Variants in ACAN observed in about 807,000 individuals in gnomAD.
The protein encoded by ACAN is aggrecan core protein.
A neutral mutation model predicts 169.1 loss-of-function variants in ACAN; 47 were observed. The observed-to-expected ratio is 0.28, with a 90% CI of 0.22 to 0.35. The LOEUF (loss-of-function observed/expected upper bound fraction) is 0.35, where lower values mean the gene tolerates loss of function less well. Among genes scored for constraint, ACAN ranks in the 10% least tolerant of loss-of-function variants. The pLI is 1.00. For synonymous variants in ACAN, 1,115 were observed against 1,112.2 expected (o/e 1.00, Z -0.05); for missense variants, 2,716 against 2,759.9 (o/e 0.98, Z 0.36).
chr15:88,806,556 G>A (rs1895688190), intron 1 of ACAN, among the ~76,000 whole-genome samples: 1 of 152,084 alleles, frequency 6.6e-6, no homozygotes, highest in South Asian at 2.1e-4. Flanking sequence ...CACCATGTTG[G>A]CCAGGCTGGT....
Position 88,847,361 on chromosome 15 carries a change from C to A in ACAN, c.1548C>A (p.Ala516=). 1 of 1,591,818 alleles carries A rather than the reference C, an allele frequency of 6.3e-7. No homozygotes were observed. The highest frequency in any genetic ancestry group is 2.3e-5 in the East Asian group (1 of 43,802). The change falls in exon 8 of 19, where the codon GCC becomes GCA. Residue 516 remains alanine, a synonymous_variant. Coordinates refer to ENST00000560601, the MANE Select transcript of ACAN (RefSeq NM_001369268.1). The part of the protein sequence containing the change: ...VIASPEQLQA[A]YEAGYEQCDA... Reference sequence around the variant, plus strand: ...CCTCGCCGGAGCAGCTCCAGGCCGCCTACGAAGCAGGCTATGAGCAGTGTG... The same window carrying A: ...CCTCGCCGGAGCAGCTCCAGGCCGCATACGAAGCAGGCTATGAGCAGTGTG...
chr15:88,857,583 G>A lies in ACAN; in HGVS notation c.4998G>A (p.Leu1666=). The change falls in exon 12 of 19, where the codon TTG becomes TTA. Residue 1666 remains leucine (L), a synonymous_variant. Coordinates refer to ENST00000560601, the MANE Select transcript of ACAN (RefSeq NM_001369268.1). The stretch of plus-strand genomic sequence containing the variant: ...CTGTTTCCCTAGTGGATTCTACATT[G>A]GTGGAAGTGGTCACAGCCTCCACTG... ...FPTVSLVDST[L]VEVVTASTAS... is the part of the protein sequence containing the mutation. 2 of 1,613,958 alleles carry A rather than the reference G, an allele frequency of 1.2e-6. No individual in the cohort carries two copies. Among genetic ancestry groups the A allele is most frequent in the African/African-American group, 1.3e-5 (1 of 75,054 alleles).
rs142728070 is a variant in ACAN at position 88,849,351 on chromosome 15, G to A, written c.1733-87G>A. 1 of 1,337,168 alleles carries A rather than the reference G, an allele frequency of 7.5e-7. No individual in the cohort carries two copies. The highest frequency in any genetic ancestry group is 2.5e-5 in the East Asian group (1 of 39,552). 82.8% of individuals were successfully genotyped at this position (1,337,168 alleles called of 1,614,324 possible). A position where few individuals can be genotyped will look rare whatever the true frequency, so the allele number is the denominator to read the frequency against. On this transcript the variant is annotated intron_variant, in intron 9 of 18. Coordinates refer to ENST00000560601, the MANE Select transcript of ACAN (RefSeq NM_001369268.1). This position sits in a 1 kb window ranked among gnomAD's most constrained non-coding sequence, Gnocchi z 5.1. ...CTGGGTCTTAGCCCTGGTGAGGAGG[G>A]TTAGAGGAACTCTGTCCTGGGTGGG...
At chr15:88,806,586 G>A (rs1056084813) in intron 1 of ACAN, among the ~76,000 whole-genome samples, 4 of 152,240 alleles carry the variant, frequency 2.6e-5, no homozygotes, top group Middle Eastern at 3.4e-3. Flanking sequence ...CTGACCTCAG[G>A]TGATCGCCTG....
chr15:88,824,853 C>T (rs531451490), intron 1 of ACAN, among the ~76,000 whole-genome samples: 1 of 151,284 alleles, frequency 6.6e-6, no homozygotes, highest in East Asian at 1.9e-4. Flanking sequence ...TTCAGCACCA[C>T]TGCACTCTAG....
Position 88,859,337 on chromosome 15 carries a change from T to A in ACAN, c.6752T>A (p.Val2251Asp). ...LLYSGEETHT[V>D]ETATSPTDAS... ...TACTCAGGAGAAGAGACTCACACAGTCGAAACAGCCACCTCCCCAACAGAT... is the reference window on the plus strand; with the variant it reads ...TACTCAGGAGAAGAGACTCACACAGACGAAACAGCCACCTCCCCAACAGAT... Residue 2251 changes from valine to aspartate, a missense_variant, in exon 12 of 19, where the codon GTC (valine) becomes GAC (aspartate). Around this residue, in one of 3 missense-constraint regions of ACAN, gnomAD observed 1,389 missense variants for 1,363.7 expected, o/e 1.02. Transcript: ENST00000560601. 6.2e-7 allele frequency: 1 copy of A among 1,604,114 alleles called. No homozygotes were observed. Among genetic ancestry groups the A allele is most frequent in the Non-Finnish European group, 8.5e-7 (1 of 1,175,210 alleles).
chr15:88,858,987 T>G lies in ACAN; in HGVS notation c.6402T>G (p.Ser2134=). Residue 2134 remains serine (S), a synonymous_variant, in exon 12 of 19, where the codon TCT becomes TCG. Transcript: ENST00000560601. This position sits in a 1 kb window ranked among gnomAD's most constrained non-coding sequence, Gnocchi z 4.0. The part of the protein sequence containing the change: ...SGSPDLSETT[S]AFHEANLERS... ...CCCCTGATCTGAGTGAAACCACCTCTGCATTCCACGAAGCTAACCTTGAGA... is the reference window on the plus strand; with the variant it reads ...CCCCTGATCTGAGTGAAACCACCTCGGCATTCCACGAAGCTAACCTTGAGA... 1 of 1,613,936 alleles carries G rather than the reference T, an allele frequency of 6.2e-7. No homozygotes were observed. The highest frequency in any genetic ancestry group is 8.5e-7 in the Non-Finnish European group (1 of 1,179,878).
At position 88,872,676 on chromosome 15, in the gene ACAN, T is replaced by C. The variant is rs1327486690; in HGVS notation, c.7303-205T>C. Among the ~76,000 whole-genome samples the C allele has an allele frequency of 2.6e-5, 4 of 152,066 alleles. No individual in the cohort carries two copies. Among genetic ancestry groups the C allele is most frequent in the African/African-American group, 7.2e-5 (3 of 41,400 alleles). The stretch of plus-strand genomic sequence containing the variant: ...GACCTGAGCCAAGCTGTGTGACTGA[T>C]TCCCTAGAGGGCCACCGGGTTCCAT... On this transcript the variant is annotated intron_variant, in intron 16 of 18. Coordinates refer to ENST00000560601, the MANE Select transcript of ACAN (RefSeq NM_001369268.1). The surrounding 1 kb of genome is among the most constrained non-coding windows in gnomAD (Gnocchi z 5.4).
At position 88,866,016 on chromosome 15, in the gene ACAN, A is replaced by G. The variant is rs1215437984; in HGVS notation, c.6947-2200A>G. Among the ~76,000 whole-genome samples, 5 of 152,112 alleles carry G rather than the reference A, an allele frequency of 3.3e-5. No homozygotes were observed. The highest frequency in any genetic ancestry group is 7.4e-5 in the Non-Finnish European group (5 of 68,022). On this transcript the variant is annotated intron_variant, in intron 13 of 18. Coordinates refer to ENST00000560601, the MANE Select transcript of ACAN (RefSeq NM_001369268.1). This position sits in a 1 kb window ranked among gnomAD's most constrained non-coding sequence, Gnocchi z 5.6. The stretch of plus-strand genomic sequence containing the variant: ...TGTAAATCCAGGGCCGTGAAAAAAA[A>G]AATTCTGAGCCCCGGAATTTGTTCC...
chr15:88,824,573 A>G (rs570644117), intron 1 of ACAN, among the ~76,000 whole-genome samples: 48 of 152,218 alleles, frequency 3.2e-4, no homozygotes, highest in Non-Finnish European at 6.3e-4. Flanking sequence ...AAGGACAATA[A>G]TTTCAAATAA....
chr15:88,813,420 G>T (rs1036279088), intron 1 of ACAN, among the ~76,000 whole-genome samples: 3 of 151,630 alleles, frequency 2.0e-5, no homozygotes, highest in Non-Finnish European at 2.9e-5. Context: ...CATGGCTCAG[G>T]GACTCTGCAC....
intron 1 of ACAN, among the ~76,000 whole-genome samples, chr15:88,816,833 C>T (rs1895953730): frequency 1.3e-5 from 2 of 152,230 alleles, no homozygotes; most frequent in South Asian, 4.1e-4. Context: ...TGGATTCCTT[C>T]AGCTCAGAGT....
At chr15:88,832,966 G>C (rs1896401608) in intron 1 of ACAN, among the ~76,000 whole-genome samples, 1 of 152,208 alleles carries the variant, frequency 6.6e-6, no homozygotes, top group African/African-American at 2.4e-5. Flanking sequence ...ATCTCACTCA[G>C]TCTTTGAAAC....
intron 1 of ACAN, 75 bp from the exon 2 acceptor site, chr15:88,836,125 C>G: frequency 9.6e-7 from 1 of 1,039,164 alleles, no homozygotes; most frequent in Non-Finnish European, 1.5e-6. Flanking sequence ...CACTTTGCAT[C>G]ATATGTCACA....
At chr15:88,846,582 C>T (rs1305124548) in intron 7 of ACAN, among the ~76,000 whole-genome samples, 4 of 152,158 alleles carry the variant, frequency 2.6e-5, no homozygotes, top group Admixed American at 6.5e-5. Context: ...TGGATTCAAC[C>T]AACCGTAGAT....
In ACAN at chr15:88,858,354, T is replaced by C; in HGVS notation, c.5769T>C (p.Tyr1923=). The C allele has an allele frequency of 6.2e-7, 1 of 1,613,956 alleles. No individual in the cohort carries two copies. The highest frequency in any genetic ancestry group is 8.5e-7 in the Non-Finnish European group (1 of 1,179,898). Residue 1923 remains tyrosine, a synonymous_variant, in exon 12 of 19, where the codon TAT becomes TAC. Transcript: ENST00000560601. This position sits in a 1 kb window ranked among gnomAD's most constrained non-coding sequence, Gnocchi z 4.0. ...IGSSLPSGAY[Y]GSGTPSSFPT... ...GCAGCCTGCCCTCGGGAGCATATTA[T>C]GGCAGTGGAACTCCATCTAGTTTCC... is the stretch of plus-strand genomic sequence containing the variant.
intron 13 of ACAN, among the ~76,000 whole-genome samples, chr15:88,864,254 G>A (rs1359832186): frequency 6.6e-6 from 1 of 151,874 alleles, no homozygotes; most frequent in East Asian, 1.9e-4. Context: ...TACAAATAAT[G>A]ATAGCATATG....
intron 6 of ACAN, 133 bp from the exon 7 acceptor site, chr15:88,845,372 C>T (rs1200599178): frequency 7.5e-7 from 1 of 1,337,392 alleles, no homozygotes; most frequent in East Asian, 2.5e-5. Context: ...TGGCAAGGTG[C>T]CTGGCACACA....
intron 13 of ACAN, among the ~76,000 whole-genome samples, chr15:88,860,834 G>C (rs895599929): frequency 1.1e-4 from 16 of 152,112 alleles, no homozygotes; most frequent in Admixed American, 6.5e-5. Context: ...ATCTTGTATC[G>C]TGCAGAGTGA....
Sources: allele counts gnomAD v4.1 joint callset (sites outside exome capture counted in the v4.1 genomes callset), GRCh38; gene constraint gnomAD v4.1.1; regional missense constraint gnomAD v4.1.1; non-coding constraint Gnocchi (gnomAD v3.1); transcripts MANE v1.5; gene names NCBI Gene and HGNC (gene_info 2026-07-23, HGNC 2026-07-21).